Variants in EWSR1 observed in about 807,000 individuals in gnomAD.
EWSR1 encodes the protein EWS RNA binding protein 1.
EWSR1 carries 14 observed loss-of-function variants against 92.1 expected under a neutral mutation model. That is an observed-to-expected ratio of 0.15 (90% CI 0.10 to 0.24). The LOEUF (loss-of-function observed/expected upper bound fraction) is 0.24, where lower values mean the gene tolerates loss of function less well. Among genes scored for constraint, EWSR1 ranks in the 10% least tolerant of loss-of-function variants. EWSR1 has a pLI of 1.00. For missense variants in EWSR1, 637 were observed against 870.9 expected, an observed-to-expected ratio of 0.73 and a Z score of 3.38; for synonymous variants, 303 against 292.9, an observed-to-expected ratio of 1.03 and a Z score of -0.35.
chr22:29,291,424 A>C (rs1225566249), intron 8 of EWSR1, 138 bp from the exon 9 acceptor site: 1 of 767,032 alleles, frequency 1.3e-6, no homozygotes, highest in Non-Finnish European at 2.1e-6. Flanking sequence ...GAAGAAAGGC[A>C]TAGTGACAAG....
chr22:29,270,514 G>T (rs2058586864), intron 1 of EWSR1, among the ~76,000 whole-genome samples: 1 of 152,204 alleles, frequency 6.6e-6, no homozygotes, highest in Non-Finnish European at 1.5e-5. Context: ...GAAGATAAAT[G>T]TAAGTTCATG....
intron 4 of EWSR1, chr22:29,277,650 T>G: frequency 4.2e-6 from 1 of 240,094 alleles, no homozygotes; most frequent in Non-Finnish European, 8.1e-6. Context: ...TGAGGGTATT[T>G]TGGGGTAAGT....
chr22:29,298,749 A>G lies in EWSR1; in HGVS notation c.1434A>G (p.Gly478=). The G allele has an allele frequency of 1.2e-6, 2 of 1,613,646 alleles. No homozygotes were observed. Among genetic ancestry groups the G allele is most frequent in the Non-Finnish European group, 1.7e-6 (2 of 1,179,960 alleles). The part of the protein sequence containing the change: ...PPLRGGPGGP[G]GPGGPMGRMG... The stretch of plus-strand genomic sequence containing the variant: ...TTGTTGTAGGTCCAGGAGGCCCAGG[A>G]GGTCCTGGGGGACCCATGGGTCGCA... The change falls in exon 14 of 17, where the codon GGA becomes GGG. Residue 478 remains glycine, a synonymous_variant. Transcript: ENST00000397938.
chr22:29,298,609 CG>C, intron 13 of EWSR1, 123 bp from the exon 14 acceptor site: 1 of 1,215,598 alleles, frequency 8.2e-7, no homozygotes, highest in Non-Finnish European at 1.2e-6. Flanking sequence ...CACGGAAACA[CG>C]GGACAGGTGA....
chr22:29,273,377 G>A (rs1210175067), intron 3 of EWSR1, among the ~76,000 whole-genome samples: 1 of 152,210 alleles, frequency 6.6e-6, no homozygotes, highest in Non-Finnish European at 1.5e-5. Context: ...CTAAGTGCTA[G>A]CAGTTAATAC....
chr22:29,299,310 C>T lies in EWSR1; in HGVS notation c.1657C>T (p.Pro553Ser), dbSNP rs1226076874. ...GGCCCCAAAGCCTGAAGGCTTCCTC[C>T]CGCCACCCTTTCCGCCCCCGGGTAG... is the stretch of plus-strand genomic sequence containing the variant. ...CKAPKPEGFL[P>S]PPFPPPGGDR... Residue 553 changes from proline (P) to serine (S), a missense_variant, in exon 15 of 17, where the codon CCG becomes TCG. By Grantham distance (74) the Pro-to-Ser change is moderately conservative. Transcript: ENST00000397938. 3.1e-6 allele frequency: 5 copies of T among 1,613,834 alleles called. No individual in the cohort carries two copies. The highest frequency in any genetic ancestry group is 4.2e-6 in the Non-Finnish European group (5 of 1,179,738).
intron 5 of EWSR1, 122 bp from the exon 6 acceptor site, chr22:29,282,268 G>C: frequency 1.4e-6 from 1 of 725,072 alleles, no homozygotes; most frequent in Non-Finnish European, 2.2e-6. Flanking sequence ...TTTATTTCCA[G>C]GCTTAATCAT....
At chr22:29,283,396 C>T (rs1375318879) in intron 6 of EWSR1, among the ~76,000 whole-genome samples, 4 of 152,270 alleles carry the variant, frequency 2.6e-5, no homozygotes, top group African/African-American at 9.6e-5. Context: ...CACTCTGTTG[C>T]ACAGGCTGGA....
chr22:29,278,055 G>T lies in EWSR1; in HGVS notation c.252G>T (p.Gln84His). The change falls in exon 5 of 17, where the codon CAG (glutamine) becomes CAT (histidine). Residue 84 changes from glutamine to histidine, a missense_variant. Around this residue, in one of 5 missense-constraint regions of EWSR1, gnomAD observed 144 missense variants for 189.0 expected, o/e 0.76. Transcript: ENST00000397938. ...PTGYTTPTAPQAYSQPVQGYG... is the reference protein window; with the variant it reads ...PTGYTTPTAPHAYSQPVQGYG... ...GTTATACTACTCCAACTGCCCCCCA[G>T]GCATACAGCCAGCCTGTCCAGGGGT... is the stretch of plus-strand genomic sequence containing the variant. The T allele has an allele frequency of 6.2e-7, 1 of 1,613,900 alleles. No homozygotes were observed. The highest frequency in any genetic ancestry group is 8.5e-7 in the Non-Finnish European group (1 of 1,179,844).
intron 16 of EWSR1, 44 bp from the exon 17 acceptor site, chr22:29,300,078 T>G (rs762777148): frequency 6.4e-7 from 1 of 1,570,272 alleles, no homozygotes; most frequent in African/African-American, 1.6e-5. Context: ...AAGGGCTTCC[T>G]CACCCCTTCC....
chr22:29,274,336 C>T (rs988150349), intron 4 of EWSR1: 28 of 1,590,416 alleles, frequency 1.8e-5, no homozygotes, highest in Non-Finnish European at 2.4e-5. Context: ...CTTGTCTAAC[C>T]CTGTAATGTT....
chr22:29,296,174 C>G, intron 11 of EWSR1, 65 bp from the exon 12 acceptor site: 4 of 1,517,330 alleles, frequency 2.6e-6, no homozygotes, highest in Non-Finnish European at 3.6e-6. Flanking sequence ...CTGGATTTTG[C>G]CTGGACTTTT....
chr22:29,272,547 AC>A (rs2146781029), intron 3 of EWSR1, 116 bp downstream of exon 3: 1 of 1,074,294 alleles, frequency 9.3e-7, no homozygotes, highest in East Asian at 2.5e-5. Context: ...ATAGTAAAAT[AC>A]CCAGGCATTT....
At position 29,298,789 on chromosome 22, in the gene EWSR1, G is replaced by A; in HGVS notation, c.1474G>A (p.Gly492Arg). 1 of 1,612,136 alleles carries A rather than the reference G, an allele frequency of 6.2e-7. No homozygotes were observed. The highest frequency in any genetic ancestry group is 8.5e-7 in the Non-Finnish European group (1 of 1,179,452). ...GPMGRMGGRG[G>R]DRGGFPPRGP... ...CATGGGTCGCATGGGAGGCCGTGGA[G>A]GAGATAGAGGAGGCTTCCCTCCAAG... The change falls in exon 14 of 17, where the codon GGA (glycine) becomes AGA (arginine). Residue 492 changes from glycine (G) to arginine (R), a missense_variant. Physicochemically the swap from Gly to Arg is moderately radical, Grantham distance 125. Coordinates refer to ENST00000397938, the MANE Select transcript of EWSR1 (RefSeq NM_005243.4).
intron 1 of EWSR1, chr22:29,269,518 C>G (rs1445607545): frequency 6.6e-6 from 1 of 152,122 alleles, no homozygotes; most frequent in East Asian, 1.9e-4. Flanking sequence ...TATTCTCAGG[C>G]CACCTGGTTC....
At chr22:29,285,887 G>T (rs1200643218) in intron 6 of EWSR1, among the ~76,000 whole-genome samples, 4 of 151,996 alleles carry the variant, frequency 2.6e-5, no homozygotes, top group Non-Finnish European at 5.9e-5. Flanking sequence ...GCCCAGGCTG[G>T]AGTGCAGTGG....
chr22:29,288,097 G>C (rs1569094577), intron 7 of EWSR1, among the ~76,000 whole-genome samples: 2 of 152,230 alleles, frequency 1.3e-5, no homozygotes, highest in Admixed American at 1.3e-4. Flanking sequence ...CAGTTCTTCT[G>C]TATGGAGAGA....
chr22:29,290,294 A>G (rs1409202650), intron 8 of EWSR1: 1 of 916,344 alleles, frequency 1.1e-6, no homozygotes, highest in Non-Finnish European at 1.7e-6. Context: ...TGTCTTGTAC[A>G]GGTAAGGCAC....
intron 15 of EWSR1, 90 bp from the exon 16 acceptor site, chr22:29,299,509 T>TGA: frequency 6.7e-7 from 1 of 1,501,786 alleles, no homozygotes; most frequent in Non-Finnish European, 8.9e-7. Flanking sequence ...TGTTCTGCTG[T>TGA]GAGAGAAGGA....
Sources: allele counts gnomAD v4.1 joint callset (sites outside exome capture counted in the v4.1 genomes callset), GRCh38; gene constraint gnomAD v4.1.1; regional missense constraint gnomAD v4.1.1; transcripts MANE v1.5; gene names NCBI Gene and HGNC (gene_info 2026-07-23, HGNC 2026-07-21).